The following PTPRS variants were observed in gnomAD, a reference collection of about 807,000 sequenced individuals.
The protein encoded by PTPRS is protein tyrosine phosphatase receptor type S.
A neutral mutation model predicts 215.3 loss-of-function variants in PTPRS; 63 were observed. The ratio of observed to expected loss-of-function variants is 0.29; its 90% CI spans 0.24 to 0.36. The LOEUF is 0.36. Among genes scored for constraint, PTPRS ranks in the 10% least tolerant of loss-of-function variants. PTPRS has a pLI of 1.00. For missense variants in PTPRS, 2,258 were observed against 2,825.8 expected (o/e 0.80, Z 4.56); for synonymous variants, 1,404 against 1,191.4 (o/e 1.18, Z -3.68).
At chr19:5,298,364 A>G (rs1209180754) in intron 1 of PTPRS, among the ~76,000 whole-genome samples, 1 of 152,214 alleles carries the variant, frequency 6.6e-6, no homozygotes, top group African/African-American at 2.4e-5. Context: ...GAACCCTCAG[A>G]TAAAACCATA....
chr19:5,283,934 G>T (rs923455515), intron 2 of PTPRS, among the ~76,000 whole-genome samples: 2 of 152,130 alleles, frequency 1.3e-5, no homozygotes, highest in Non-Finnish European at 2.9e-5. Flanking sequence ...ACTTAGCCAG[G>T]CCAGGCACTG....
intron 8 of PTPRS, 91 bp from the exon 9 acceptor site, chr19:5,256,210 T>G: frequency 5.9e-6 from 6 of 1,008,450 alleles, no homozygotes; most frequent in Non-Finnish European, 8.3e-6. Flanking sequence ...AAAGAGGACT[T>G]CCCAAGGCTA....
At position 5,212,369 on chromosome 19, in the gene PTPRS, C is replaced by T. The variant is rs1064300; in HGVS notation, c.4737G>A (p.Pro1579=). 0.32 allele frequency: 516,545 copies of T among 1,608,732 alleles called. 85,386 individuals are homozygous for T. Among genetic ancestry groups the T allele is most frequent in the African/African-American group, 0.4 (29,654 of 74,908 alleles). ...AFLRRVKTCN[P]PDAGPIVVHC... is the part of the protein sequence containing the mutation. Reference sequence around the variant, plus strand: ...GAACCACGATGGGGCCGGCATCTGGCGGGTTGCAGGTCTTGACTCTCCGCA... The same window carrying T: ...GAACCACGATGGGGCCGGCATCTGGTGGGTTGCAGGTCTTGACTCTCCGCA... The change falls in exon 31 of 38, where the codon CCG becomes CCA. Residue 1579 remains proline, a synonymous_variant. Coordinates refer to ENST00000262963, the MANE Select transcript of PTPRS (RefSeq NM_002850.4).
chr19:5,298,875 G>T (rs1029524318), intron 1 of PTPRS, among the ~76,000 whole-genome samples: 23 of 152,130 alleles, frequency 1.5e-4, no homozygotes, highest in Non-Finnish European at 5.9e-5. Context: ...GTCCTTCCAG[G>T]GGCTCAGGCT....
At chr19:5,262,223 C>T (rs1014657381) in intron 6 of PTPRS, among the ~76,000 whole-genome samples, 2 of 151,948 alleles carry the variant, frequency 1.3e-5, no homozygotes, top group Non-Finnish European at 2.9e-5. Context: ...TTTAGTGAGC[C>T]GAGATGGTGC....
intron 5 of PTPRS, among the ~76,000 whole-genome samples, chr19:5,264,682 G>A (rs2046274448): frequency 6.6e-6 from 1 of 152,180 alleles, no homozygotes; most frequent in Non-Finnish European, 1.5e-5. Context: ...GAGCATGGGA[G>A]ACACTCTCCC....
Position 5,216,724 on chromosome 19 carries a change from A to T in PTPRS, c.4092T>A (p.Phe1364Leu). Residue 1364 changes from phenylalanine to leucine, a missense_variant, in exon 26 of 38, where the codon TTT (phenylalanine) becomes TTA (leucine). Phe to Leu is a conservative substitution (Grantham distance 22). Coordinates refer to ENST00000262963, the MANE Select transcript of PTPRS (RefSeq NM_002850.4). ...RSPLREPGFH[F>L]ESMLSHPPIP... ...AAAACAGACACAAGAACTAACTTTC[A>T]AAGTGAAACCCCGGCTCCCTGAGGG... is the stretch of plus-strand genomic sequence containing the variant. The T allele has an allele frequency of 2.5e-6, 4 of 1,570,696 alleles. No homozygotes were observed. Among genetic ancestry groups the T allele is most frequent in the Non-Finnish European group, 3.5e-6 (4 of 1,155,632 alleles).
chr19:5,226,982 A>G (rs1254256295), intron 16 of PTPRS, among the ~76,000 whole-genome samples: 1 of 152,060 alleles, frequency 6.6e-6, no homozygotes, highest in Non-Finnish European at 1.5e-5. Context: ...AAGTATTTAC[A>G]CCATGGAAAC....
Position 5,245,888 on chromosome 19 carries a change from G to C in PTPRS, c.876C>G (p.Pro292=), listed in dbSNP as rs548746923. 10 of 1,614,036 alleles carry C rather than the reference G, an allele frequency of 6.2e-6. No individual in the cohort carries two copies. The South Asian group carries it at 8.8e-5, about 14-fold the overall frequency. ...TGAGTTCCAGCACGTTCCGACCCAC[G>C]GGCATGTCATCCTCGGGGGTCAGGT... The part of the protein sequence containing the change: ...AEDLTPEDDM[P]VGRNVLELTD... The change falls in exon 10 of 38, where the codon CCC becomes CCG. Residue 292 remains proline (P), a synonymous_variant. Coordinates refer to ENST00000262963, the MANE Select transcript of PTPRS (RefSeq NM_002850.4).
intron 4 of PTPRS, among the ~76,000 whole-genome samples, chr19:5,271,653 C>T (rs1258622190): frequency 6.6e-6 from 1 of 152,056 alleles, no homozygotes; most frequent in Non-Finnish European, 1.5e-5. Flanking sequence ...CCGCCTTGGC[C>T]TCCCAAAGTG....
intron 6 of PTPRS, 58 bp from the exon 7 acceptor site, chr19:5,260,880 G>A (rs2045941518): frequency 2.3e-5 from 36 of 1,592,188 alleles, no homozygotes; most frequent in Non-Finnish European, 2.9e-5. Context: ...TGGGGGGCCG[G>A]GGGGCCCCAG....
rs562956114 is a variant in PTPRS at position 5,224,948 on chromosome 19, A to C, written c.2494+779T>G. ...GTGGGGACTGGGATGAAGGCCACAG[A>C]AGTCAGTCGATTGTTCCTGAAACAC... On this transcript the variant is annotated intron_variant, in intron 17 of 37. Coordinates refer to ENST00000262963, the MANE Select transcript of PTPRS (RefSeq NM_002850.4). 1.7e-3 allele frequency among the ~76,000 whole-genome samples: 259 copies of C among 152,150 alleles called. 3 individuals carry two copies. Among genetic ancestry groups the C allele is most frequent in the African/African-American group, 5.9e-3 (245 of 41,506 alleles).
intron 22 of PTPRS, 25 bp downstream of exon 22, chr19:5,219,914 T>A (rs537714956): frequency 6.2e-7 from 1 of 1,607,440 alleles, no homozygotes; most frequent in Non-Finnish European, 8.5e-7. Context: ...TGTCTGGATG[T>A]GGGCGGACAC....
At chr19:5,217,555 G>C (rs1266443851) in intron 25 of PTPRS, among the ~76,000 whole-genome samples, 1 of 151,812 alleles carries the variant, frequency 6.6e-6, no homozygotes, top group East Asian at 1.9e-4. Flanking sequence ...AAAAAAGAAA[G>C]TACATCAGGA....
intron 1 of PTPRS, among the ~76,000 whole-genome samples, chr19:5,333,929 G>T (rs2050409273): frequency 6.6e-6 from 1 of 152,180 alleles, no homozygotes; most frequent in Non-Finnish European, 1.5e-5. Flanking sequence ...TTTCCTGAGT[G>T]CCCATCAAAT....
chr19:5,245,340 C>T (rs28550444), intron 10 of PTPRS, among the ~76,000 whole-genome samples: 14,245 of 151,818 alleles, frequency 0.094, 2,199 homozygotes, highest in African/African-American at 0.33. Flanking sequence ...CCAGGCTGGA[C>T]TGCAGTAGTG....
intron 4 of PTPRS, among the ~76,000 whole-genome samples, chr19:5,267,447 A>G (rs937929943): frequency 6.6e-6 from 1 of 152,138 alleles, no homozygotes; most frequent in Non-Finnish European, 1.5e-5. Context: ...ACCTGAGGTC[A>G]GGAGTTCGAG....
Position 5,216,704 on chromosome 19 carries a change from A to T in PTPRS, c.4096+16T>A. On this transcript the variant is annotated intron_variant, in intron 26 of 37. Coordinates refer to ENST00000262963, the MANE Select transcript of PTPRS (RefSeq NM_002850.4). ...GCGGGGGCGAAAGGAAGCCAAAAAC[A>T]GACACAAGAACTAACTTTCAAAGTG... The T allele has an allele frequency of 1.9e-6, 3 of 1,548,238 alleles. No homozygotes were observed. The highest frequency in any genetic ancestry group is 2.6e-6 in the Non-Finnish European group (3 of 1,138,516).
Position 5,229,343 on chromosome 19 carries a change from C to G in PTPRS, c.2350-1G>C, listed in dbSNP as rs764735372. On this transcript the variant is annotated splice_acceptor_variant, in intron 15 of 37. Transcript: ENST00000262963. LOFTEE classifies it high-confidence loss of function. The stretch of plus-strand genomic sequence containing the variant: ...ATTCGGCCGTGTCATCCGTCTCCCA[C>G]TGAGCGCGGGAGGAGGCGGCAGGGG... The G allele has an allele frequency of 2.2e-6, 3 of 1,380,946 alleles. No individual in the cohort carries two copies. Among genetic ancestry groups the G allele is most frequent in the Non-Finnish European group, 1.9e-6 (2 of 1,062,630 alleles). 85.5% of individuals were successfully genotyped at this position (1,380,946 alleles called of 1,614,324 possible).
Sources: gnomAD v4.1 joint callset for allele counts (sites outside exome capture counted in the v4.1 genomes callset) on GRCh38, gnomAD v4.1.1 for gene constraint, MANE v1.5 for transcripts, NCBI Gene and HGNC (gene_info 2026-07-23, HGNC 2026-07-21) for gene names.